The following RHOU variants were observed in gnomAD, a reference collection of about 807,000 sequenced individuals.
RHOU encodes the protein ras homolog family member U, also known as rho-related GTP-binding protein RhoU.
RHOU carries 8 observed loss-of-function variants against 12.6 expected under a neutral mutation model. The observed-to-expected ratio is 0.64, with a 90% CI of 0.37 to 1.15. The LOEUF (loss-of-function observed/expected upper bound fraction) is 1.15. Ranked by LOEUF, RHOU falls within the 50% of genes most tolerant of loss-of-function variation. The pLI is 0.01. For synonymous variants in RHOU, 161 were observed against 147.4 expected (o/e 1.09, Z -0.67); for missense variants, 258 against 347.0 (o/e 0.74, Z 2.04).
the RHOU span, among the ~76,000 whole-genome samples, chr1:228,669,111 G>A: frequency 6.6e-6 from 1 of 152,222 alleles, no homozygotes; most frequent in Non-Finnish European, 1.5e-5. Flanking sequence ...CAGGCAACAG[G>A]TGTTTTCTCT....
At chr1:228,720,722 C>T in the RHOU span, among the ~76,000 whole-genome samples, 7,344 of 152,262 alleles carry the variant, frequency 0.048, 245 homozygotes, top group Non-Finnish European at 0.075. Flanking sequence ...ATCTACAGTG[C>T]TTTGTTACTG....
the RHOU span, chr1:228,650,301 G>T: frequency 2.2e-6 from 1 of 464,682 alleles, no homozygotes; most frequent in South Asian, 1.5e-5. Flanking sequence ...AGGAGGCAGC[G>T]GCGGGCTGGA....
chr1:228,720,617 C>T, the RHOU span, among the ~76,000 whole-genome samples: 1 of 152,282 alleles, frequency 6.6e-6, no homozygotes, highest in South Asian at 2.1e-4. Context: ...AGGACAGAGG[C>T]CTCAGGAGAA....
chr1:228,722,628 CTTT>C, the RHOU span, among the ~76,000 whole-genome samples: 1 of 145,328 alleles, frequency 6.9e-6, no homozygotes, highest in Admixed American at 6.9e-5. Flanking sequence ...TCCTGACCTC[CTTT>C]TTTTTTTTTT....
At chr1:228,681,787 G>A in the RHOU span, among the ~76,000 whole-genome samples, 1 of 152,114 alleles carries the variant, frequency 6.6e-6, no homozygotes. Context: ...GGAGAAGAAG[G>A]AGAAATGGAG....
At position 228,743,208 on chromosome 1, in the gene RHOU, T is replaced by C. The variant is rs564580800; in HGVS notation, c.322-77T>C. 222 of 1,335,016 alleles carry C rather than the reference T, an allele frequency of 1.7e-4. No individual in the cohort carries two copies. In the African/African-American group the frequency reaches 1.7e-3, roughly 10 times the overall value. The allele number at this position is 1,335,016 out of a possible 1,614,324, so 82.7% of individuals were successfully genotyped here. On this transcript the variant is annotated intron_variant, in intron 2 of 2. Coordinates refer to ENST00000366691, the MANE Select transcript of RHOU (RefSeq NM_021205.6). The surrounding 1 kb of genome is among the most constrained non-coding windows in gnomAD (Gnocchi z 5.1). ...TTCTATCACCTGCCAGACCCTTTCA[T>C]GAAAAATGTGAAGGTGATCTTTTTA...
the RHOU span, among the ~76,000 whole-genome samples, chr1:228,681,484 G>A: frequency 1.3e-5 from 2 of 152,106 alleles, no homozygotes; most frequent in Non-Finnish European, 2.9e-5. Flanking sequence ...GGGACAGGCG[G>A]GAGGGAAAGA....
At position 228,737,834 on chromosome 1, in the gene RHOU, C is replaced by A; in HGVS notation, c.321+103C>A. On this transcript the variant is annotated intron_variant, in intron 2 of 2. Transcript: ENST00000366691. This position sits in a 1 kb window ranked among gnomAD's most constrained non-coding sequence, Gnocchi z 4.1. The stretch of plus-strand genomic sequence containing the variant: ...AGTCAGTAACTGGGTCATTCTAAAG[C>A]CTCATGAAGTGGACCCACCCCTGCT... 7.7e-7 allele frequency: 1 copy of A among 1,291,688 alleles called. No individual in the cohort carries two copies. Among genetic ancestry groups the A allele is most frequent in the Non-Finnish European group, 1.1e-6 (1 of 902,580 alleles). 80.0% of individuals were successfully genotyped at this position (1,291,688 alleles called of 1,614,324 possible).
chr1:228,694,821 A>G, the RHOU span, among the ~76,000 whole-genome samples: 86 of 152,272 alleles, frequency 5.6e-4, no homozygotes, highest in African/African-American at 1.8e-3. Context: ...TCTTTTGGGT[A>G]CATACCTCGT....
the RHOU span, among the ~76,000 whole-genome samples, chr1:228,646,590 G>A: frequency 7.7e-6 from 1 of 130,202 alleles, no homozygotes; most frequent in Non-Finnish European, 1.6e-5. Flanking sequence ...CCGGCCGGGG[G>A]GGCAAGAGGG....
chr1:228,649,032 T>G, the RHOU span, among the ~76,000 whole-genome samples: 2 of 152,060 alleles, frequency 1.3e-5, no homozygotes, highest in African/African-American at 4.8e-5. Context: ...GCCTGGCTAG[T>G]TTTTGTATTT....
the RHOU span, among the ~76,000 whole-genome samples, chr1:228,689,752 C>T: frequency 2.5e-4 from 38 of 151,744 alleles, no homozygotes; most frequent in African/African-American, 8.5e-4. Flanking sequence ...TAATGATAAT[C>T]TAACTAATGC....
chr1:228,653,318 C>A, the RHOU span, among the ~76,000 whole-genome samples: 9 of 151,998 alleles, frequency 5.9e-5, no homozygotes, highest in African/African-American at 2.2e-4. Flanking sequence ...TCATGTCGGA[C>A]TAATTTTTGT....
chr1:228,739,328 G>A (rs946525089), intron 2 of RHOU, among the ~76,000 whole-genome samples: 2 of 152,156 alleles, frequency 1.3e-5, no homozygotes, highest in East Asian at 1.9e-4. Context: ...CACTTTGGGA[G>A]GCTGAGACGG....
the RHOU span, among the ~76,000 whole-genome samples, chr1:228,690,860 ACCT>A: frequency 2.2e-5 from 3 of 137,152 alleles, no homozygotes; most frequent in African/African-American, 8.4e-5. Context: ...TCATGATCTG[ACCT>A]CCTCGGCCTC....
the RHOU span, among the ~76,000 whole-genome samples, chr1:228,653,063 G>T: frequency 6.6e-6 from 1 of 152,168 alleles, no homozygotes; most frequent in Admixed American, 6.5e-5. Flanking sequence ...ACATTGCCAT[G>T]ACTTTGGAAT....
At chr1:228,721,030 G>A in the RHOU span, among the ~76,000 whole-genome samples, 23 of 152,314 alleles carry the variant, frequency 1.5e-4, no homozygotes, top group African/African-American at 4.6e-4. Flanking sequence ...TTGGGGGCAC[G>A]GTGGCTCACG....
At chr1:228,692,397 T>C in the RHOU span, among the ~76,000 whole-genome samples, 1 of 152,242 alleles carries the variant, frequency 6.6e-6, no homozygotes, top group Admixed American at 6.5e-5. Flanking sequence ...TTTGCCACCA[T>C]GCCCTGGCCC....
At chr1:228,716,724 GTGTA>G in the RHOU span, among the ~76,000 whole-genome samples, 1 of 104,386 alleles carries the variant, frequency 9.6e-6, no homozygotes, top group African/African-American at 5.0e-5. Context: ...TTATGTGTGT[GTGTA>G]TATATACATA....
Sources: gnomAD v4.1 joint callset for allele counts (sites outside exome capture counted in the v4.1 genomes callset) on GRCh38, gnomAD v4.1.1 for gene constraint, Gnocchi (gnomAD v3.1) non-coding constraint, MANE v1.5 for transcripts, NCBI Gene and HGNC (gene_info 2026-07-23, HGNC 2026-07-21) for gene names.